ACIN1: variants seen among roughly 807,000 people sequenced by gnomAD.
ACIN1 encodes the protein apoptotic chromatin condensation inducer in the nucleus.
ACIN1 carries 16 observed loss-of-function variants against 146.6 expected under a neutral mutation model. That is an observed-to-expected ratio of 0.11 (90% CI 0.07 to 0.17). The LOEUF (loss-of-function observed/expected upper bound fraction) is 0.17. Among genes scored for constraint, ACIN1 ranks in the 10% least tolerant of loss-of-function variants. The probability of loss-of-function intolerance (pLI) is 1.00; values close to 1 mark genes in which losing one functional copy is unlikely to be tolerated. For synonymous variants in ACIN1, 569 were observed against 582.7 expected (o/e 0.98, Z 0.34); for missense variants, 1,357 against 1,609.3 (o/e 0.84, Z 2.68).
At chr14:23,076,647 T>C (rs2047809137) in intron 8 of ACIN1, 1 of 152,202 alleles carries the variant, frequency 6.6e-6, no homozygotes, top group African/African-American at 2.4e-5. Flanking sequence ...ATCACTTTCT[T>C]CCCAAGGTGC....
At chr14:23,087,381 C>T (rs889725533) in intron 4 of ACIN1, among the ~76,000 whole-genome samples, 3 of 151,322 alleles carry the variant, frequency 2.0e-5, no homozygotes, top group Admixed American at 6.6e-5. Context: ...AGAGCATTTA[C>T]GGCAATTATG....
At chr14:23,069,638 T>A (rs1279978352) in intron 8 of ACIN1, 21 bp from the exon 9 acceptor site, 2 of 326,672 alleles carry the variant, frequency 6.1e-6, no homozygotes, top group Non-Finnish European at 5.5e-6. Flanking sequence ...GGGGGAGTGG[T>A]GGTGGGGGGG....
At position 23,060,075 on chromosome 14, in the gene ACIN1, A is replaced by G. The variant is rs1270019023; in HGVS notation, c.3526-601T>C. On this transcript the variant is annotated intron_variant, in intron 18 of 18. Coordinates refer to ENST00000605057, the MANE Select transcript of ACIN1 (RefSeq NM_001386863.1). The stretch of plus-strand genomic sequence containing the variant: ...CAGGTTCAAGTGATTCTCCTGCCTC[A>G]GCCTCCCTAGTAGCTGGGATTACAG... Among the ~76,000 whole-genome samples, 3 of 149,228 alleles carry G rather than the reference A, an allele frequency of 2.0e-5. No homozygotes were observed. In the Admixed American group the frequency reaches 2.0e-4, roughly 10 times the overall value.
chr14:23,086,639 T>C (rs936707060), intron 4 of ACIN1, among the ~76,000 whole-genome samples: 2 of 152,108 alleles, frequency 1.3e-5, no homozygotes, highest in African/African-American at 2.4e-5. Flanking sequence ...GCATGTGCCA[T>C]CACAGTCAGC....
In ACIN1 at chr14:23,079,528, G is replaced by A. The variant is rs372715223; in HGVS notation, c.1788+19C>T. On this transcript the variant is annotated intron_variant, in intron 6 of 18. Transcript: ENST00000605057. ...AATATGACAGAACATTAATACACCC[G>A]GGATTCTCTCATACTCACTTTTCTG... 96 of 1,609,636 alleles carry A rather than the reference G, an allele frequency of 6.0e-5. No individual in the cohort carries two copies. The highest frequency in any genetic ancestry group is 6.7e-5 in the East Asian group (3 of 44,800).
intron 16 of ACIN1, among the ~76,000 whole-genome samples, 197 bp downstream of exon 16, chr14:23,061,971 C>CAAAAAAAAAAAAAAAAAA (rs57962360): frequency 1.7e-5 from 1 of 59,146 alleles, no homozygotes; most frequent in African/African-American, 7.3e-5. Context: ...GACTCTGTCT[C>CAAAAAAAAAAAAAAAAAA]AAAAAAAAAA....
Position 23,064,142 on chromosome 14 carries a change from T to C in ACIN1, c.2558A>G (p.His853Arg), listed in dbSNP as rs1258842639. ...CCGGCATATTTTCAGCCCCTTGTCA[T>C]GGGTCCCATCATCGCCATTACGCTC... ...ETERNGDDGT[H>R]DKGLKICRTV... Residue 853 changes from histidine (H) to arginine (R), a missense_variant, in exon 12 of 19, where the codon CAT becomes CGT. Physicochemically the swap from His to Arg is conservative, Grantham distance 29. Coordinates refer to ENST00000605057, the MANE Select transcript of ACIN1 (RefSeq NM_001386863.1). The C allele has an allele frequency of 3.1e-6, 5 of 1,614,160 alleles. No homozygotes were observed. The highest frequency in any genetic ancestry group is 2.2e-5 in the East Asian group (1 of 44,882).
At chr14:23,063,215 C>G in intron 13 of ACIN1, 141 bp from the exon 14 acceptor site, 1 of 1,154,268 alleles carries the variant, frequency 8.7e-7, no homozygotes, top group Non-Finnish European at 1.2e-6. Flanking sequence ...CTATAATCTG[C>G]AAAGTACTGT....
chr14:23,095,182 G>T (rs940672824), upstream of ACIN1: 1 of 1,614,144 alleles, frequency 6.2e-7, no homozygotes, highest in Admixed American at 1.7e-5. Context: ...AACGCCCTTC[G>T]AACGTACCGA....
At chr14:23,093,604 C>T (rs945274416) in intron 1 of ACIN1, 60 bp from the exon 2 acceptor site, 2 of 1,354,066 alleles carry the variant, frequency 1.5e-6, no homozygotes, top group Non-Finnish European at 2.1e-6. Flanking sequence ...AACAAACCCC[C>T]ACCTCTACCA....
chr14:23,090,659 G>A, intron 2 of ACIN1, 26 bp from the exon 3 acceptor site: 4 of 1,579,640 alleles, frequency 2.5e-6, no homozygotes, highest in Non-Finnish European at 3.5e-6. Context: ...GAAAACAGAG[G>A]GTCTAGGAAA....
intron 8 of ACIN1, 115 bp from the exon 9 acceptor site, chr14:23,069,732 G>C (rs2047572325): frequency 3.3e-6 from 3 of 922,716 alleles, no homozygotes; most frequent in Non-Finnish European, 4.8e-6. Flanking sequence ...ACTTGGGTGG[G>C]ATTAGGAGGG....
At position 23,069,373 on chromosome 14, in the gene ACIN1, C is replaced by G. The variant is rs1453529670; in HGVS notation, c.2265+103G>C. Reference sequence around the variant, plus strand: ...GATCCAAGTCCCTGCCTCATCCCTCCTTTAAGTTAACCCACCGTGTAAGAG... The same window carrying G: ...GATCCAAGTCCCTGCCTCATCCCTCGTTTAAGTTAACCCACCGTGTAAGAG... On this transcript the variant is annotated intron_variant, in intron 9 of 18. Transcript: ENST00000605057. 8 of 1,492,214 alleles carry G rather than the reference C, an allele frequency of 5.4e-6. No homozygotes were observed. In the African/African-American group the frequency reaches 9.8e-5, roughly 18 times the overall value. 92.4% of individuals were successfully genotyped at this position (1,492,214 alleles called of 1,614,324 possible). A position where few individuals can be genotyped will look rare whatever the true frequency, so the allele number is the denominator to read the frequency against.
Position 23,062,293 on chromosome 14 carries a change from A to G in ACIN1, c.2992-18T>C. 3.1e-6 allele frequency: 5 copies of G among 1,609,686 alleles called. No individual in the cohort carries two copies. The highest frequency in any genetic ancestry group is 4.3e-6 in the Non-Finnish European group (5 of 1,176,164). ...GTTGAGTACTGGTGGAGGAAGGGAG[A>G]AGATGGAGGGTCACAGTGTGTCTGC... On this transcript the variant is annotated intron_variant, in intron 15 of 18. Coordinates refer to ENST00000605057, the MANE Select transcript of ACIN1 (RefSeq NM_001386863.1).
Position 23,059,119 on chromosome 14 carries a change from T to C in ACIN1, c.*29A>G. 1 of 1,606,756 alleles carries C rather than the reference T, an allele frequency of 6.2e-7. No homozygotes were observed. The highest frequency in any genetic ancestry group is 8.5e-7 in the Non-Finnish European group (1 of 1,175,678). On this transcript the variant is annotated 3_prime_UTR_variant, in exon 19 of 19. Transcript: ENST00000605057. ...CCATAACCCCCTGGGGCCGAGTGGC[T>C]GGTACCTGCAGCTCTAGTGTTTTCC...
chr14:23,074,071 CTTGT>C (rs1294307323), intron 8 of ACIN1, among the ~76,000 whole-genome samples: 8 of 151,668 alleles, frequency 5.3e-5, no homozygotes, highest in Non-Finnish European at 1.2e-4. Context: ...ATCTTCTGAC[CTTGT>C]GATTCGCGCG....
intron 4 of ACIN1, among the ~76,000 whole-genome samples, chr14:23,087,891 C>T (rs1468551430): frequency 1.3e-5 from 2 of 152,182 alleles, no homozygotes; most frequent in South Asian, 2.1e-4. Context: ...TTTGTTCCTT[C>T]CTAAAAATAT....
chr14:23,090,544 A>G lies in ACIN1; in HGVS notation c.294T>C (p.Ala98=), dbSNP rs750451842. Residue 98 remains alanine (A), a synonymous_variant, in exon 3 of 19, where the codon GCT becomes GCC. Coordinates refer to ENST00000605057, the MANE Select transcript of ACIN1 (RefSeq NM_001386863.1). ...TACCTTCAAGTTCTGCAGCTTCTCG[A>G]GCTTCACGTTCCAGACGCTGCCTAA... ...ELLRQRLERE[A]REAAELEEAS... 6.2e-7 allele frequency: 1 copy of G among 1,614,028 alleles called. No individual in the cohort carries two copies. The highest frequency in any genetic ancestry group is 8.5e-7 in the Non-Finnish European group (1 of 1,179,904).
Position 23,061,079 on chromosome 14 carries a change from C to G in ACIN1, c.3525+5G>C, listed in dbSNP as rs902738347. The G allele has an allele frequency of 6.2e-7, 1 of 1,613,594 alleles. No individual in the cohort carries two copies. The highest frequency in any genetic ancestry group is 8.5e-7 in the Non-Finnish European group (1 of 1,179,944). On this transcript the variant is annotated splice_donor_5th_base_variant and intron_variant, in intron 18 of 18. Transcript: ENST00000605057. ...AGGGAGCAGGGCACGAAGAAGAGCA[C>G]TCACCTGGCTGTCAGTCAGTGGGAG...
Sources: allele counts gnomAD v4.1 joint callset (sites outside exome capture counted in the v4.1 genomes callset), GRCh38; gene constraint gnomAD v4.1.1; transcripts MANE v1.5; gene names NCBI Gene and HGNC (gene_info 2026-07-23, HGNC 2026-07-21).